Variants in GMDS observed in about 807,000 individuals in gnomAD.
GMDS encodes the protein GDP-mannose 4,6 dehydratase.
Under a neutral mutation model 49.9 loss-of-function variants are expected in GMDS, and 20 were observed. The observed-to-expected ratio is 0.40, with a 90% CI of 0.28 to 0.58. The LOEUF (loss-of-function observed/expected upper bound fraction) is 0.58. GMDS is among the 20% of genes least tolerant of loss of function. GMDS has a pLI of 0.42. For synonymous variants in GMDS, 177 were observed against 178.6 expected (o/e 0.99, Z 0.07); for missense variants, 362 against 481.4 (o/e 0.75, Z 2.32).
At chr6:2,145,791 G>A (rs1776526946) in intron 1 of GMDS, among the ~76,000 whole-genome samples, 1 of 152,204 alleles carries the variant, frequency 6.6e-6, no homozygotes, top group African/African-American at 2.4e-5. Flanking sequence ...TACTTAGGAG[G>A]CTGAGACAAG....
intron 4 of GMDS, among the ~76,000 whole-genome samples, chr6:2,055,085 G>C (rs1251733072): frequency 6.6e-6 from 1 of 152,084 alleles, no homozygotes; most frequent in Non-Finnish European, 1.5e-5. Context: ...CAGCAAATGG[G>C]TTTAGCAGAT....
At chr6:1,983,761 C>T (rs1561945981) in intron 4 of GMDS, among the ~76,000 whole-genome samples, 2 of 152,202 alleles carry the variant, frequency 1.3e-5, no homozygotes, top group African/African-American at 4.8e-5. Flanking sequence ...AATGGTTTTA[C>T]ACTGTTGGTT....
chr6:1,774,627 C>T (rs1183571966), intron 7 of GMDS, among the ~76,000 whole-genome samples: 1 of 152,192 alleles, frequency 6.6e-6, no homozygotes. Flanking sequence ...TCTGTCTCAC[C>T]AAATATCCAG....
intron 1 of GMDS, among the ~76,000 whole-genome samples, chr6:2,230,929 T>TCCCC (rs1314300198): frequency 6.3e-5 from 1 of 15,980 alleles, no homozygotes; most frequent in African/African-American, 2.4e-4. Context: ...TAGTATTCTC[T>TCCCC]TCCCCCCTCC....
At chr6:2,187,722 C>A (rs1244040357) in intron 1 of GMDS, among the ~76,000 whole-genome samples, 1 of 152,130 alleles carries the variant, frequency 6.6e-6, no homozygotes, top group Non-Finnish European at 1.5e-5. Context: ...CTTTTGTCTG[C>A]CTTTCTTTTA....
chr6:1,946,793 G>A (rs1763093016), intron 6 of GMDS, among the ~76,000 whole-genome samples: 1 of 152,156 alleles, frequency 6.6e-6, no homozygotes, highest in Non-Finnish European at 1.5e-5. Context: ...AAAGTGAATG[G>A]GCACAATAGC....
At chr6:1,901,269 A>G (rs945859899) in intron 7 of GMDS, among the ~76,000 whole-genome samples, 3 of 152,226 alleles carry the variant, frequency 2.0e-5, no homozygotes, top group Non-Finnish European at 4.4e-5. Flanking sequence ...ACCGTGGAAC[A>G]TAATTCTGAT....
intron 7 of GMDS, among the ~76,000 whole-genome samples, chr6:1,877,795 G>C (rs546714855): frequency 1.3e-5 from 2 of 152,230 alleles, no homozygotes; most frequent in African/African-American, 4.8e-5. Context: ...CCAGGATATG[G>C]GGGTCAGTGG....
intron 1 of GMDS, among the ~76,000 whole-genome samples, chr6:2,216,200 A>G (rs183893425): frequency 9.2e-5 from 14 of 152,374 alleles, no homozygotes; most frequent in Admixed American, 7.8e-4. Flanking sequence ...AAATAGTTTT[A>G]AAGGGGACAA....
At chr6:1,959,103 A>G (rs562076420) in intron 6 of GMDS, among the ~76,000 whole-genome samples, 88 of 152,338 alleles carry the variant, frequency 5.8e-4, no homozygotes, top group African/African-American at 2.1e-3. Context: ...GTGGGGAATA[A>G]GGGGAGATTT....
At chr6:1,959,168 G>A (rs1276504758) in intron 6 of GMDS, among the ~76,000 whole-genome samples, 1 of 152,156 alleles carries the variant, frequency 6.6e-6, no homozygotes, top group Non-Finnish European at 1.5e-5. Flanking sequence ...AGTGTTCTGT[G>A]GAGTGCTCTA....
chr6:2,126,615 A>T (rs2127512204), intron 1 of GMDS, among the ~76,000 whole-genome samples: 1 of 152,272 alleles, frequency 6.6e-6, no homozygotes, highest in South Asian at 2.1e-4. Context: ...GTGGTTCATT[A>T]AAACCTAGAG....
intron 1 of GMDS, among the ~76,000 whole-genome samples, chr6:2,213,554 G>A (rs1010849961): frequency 6.6e-6 from 1 of 152,188 alleles, no homozygotes. Context: ...ACTATAGTTT[G>A]GGGTGAAGGA....
At chr6:1,892,239 T>C (rs887052083) in intron 7 of GMDS, among the ~76,000 whole-genome samples, 9 of 152,152 alleles carry the variant, frequency 5.9e-5, no homozygotes, top group African/African-American at 2.2e-4. Context: ...AGCTTTTACC[T>C]AGAAATATGT....
chr6:2,227,153 T>C (rs924618839), intron 1 of GMDS, among the ~76,000 whole-genome samples: 1 of 152,156 alleles, frequency 6.6e-6, no homozygotes, highest in Non-Finnish European at 1.5e-5. Flanking sequence ...TTTACTATTC[T>C]GAATAAATGT....
At chr6:1,852,965 G>A (rs1393921938) in intron 7 of GMDS, among the ~76,000 whole-genome samples, 5 of 151,972 alleles carry the variant, frequency 3.3e-5, no homozygotes, top group African/African-American at 1.2e-4. Context: ...GCCTCCCAAA[G>A]TGCTGGGATT....
rs567837762 is a variant in GMDS at position 2,066,498 on chromosome 6, T to C, written c.345+49273A>G. Among the ~76,000 whole-genome samples the C allele has an allele frequency of 2.8e-3, 426 of 151,800 alleles. 2 individuals carry two copies. Among genetic ancestry groups the C allele is most frequent in the Non-Finnish European group, 4.5e-3 (303 of 67,954 alleles). ...AAATTGGATAAAGAGTCAAGACCCA[T>C]CAGTGTGCTGTATTCAGGAAACCCA... On this transcript the variant is annotated intron_variant, in intron 4 of 10. Coordinates refer to ENST00000380815, the MANE Select transcript of GMDS (RefSeq NM_001500.4).
intron 4 of GMDS, among the ~76,000 whole-genome samples, chr6:2,114,096 G>A (rs1241315071): frequency 6.6e-6 from 1 of 152,058 alleles, no homozygotes; most frequent in African/African-American, 2.4e-5. Flanking sequence ...ATATGTTTTG[G>A]GGAAAGGAAA....
chr6:2,144,573 A>G (rs1776460310), intron 1 of GMDS, among the ~76,000 whole-genome samples: 1 of 152,134 alleles, frequency 6.6e-6, no homozygotes, highest in Non-Finnish European at 1.5e-5. Context: ...TGCTTCCTGA[A>G]GTGTAAGGGC....
Sources: gnomAD v4.1 joint callset for allele counts (sites outside exome capture counted in the v4.1 genomes callset) on GRCh38, gnomAD v4.1.1 for gene constraint, MANE v1.5 for transcripts, NCBI Gene and HGNC (gene_info 2026-07-23, HGNC 2026-07-21) for gene names.